Variants in LDHA observed in about 807,000 individuals in gnomAD.
The protein encoded by LDHA is lactate dehydrogenase A.
Under a neutral mutation model 36.3 loss-of-function variants are expected in LDHA, and 10 were observed. The ratio of observed to expected loss-of-function variants is 0.28; its 90% CI spans 0.17 to 0.47. The LOEUF (loss-of-function observed/expected upper bound fraction) is 0.47, where lower values mean the gene tolerates loss of function less well. Among genes scored for constraint, LDHA ranks in the 20% least tolerant of loss-of-function variants. LDHA has a pLI of 0.99. For missense variants in LDHA, 267 were observed against 405.8 expected (o/e 0.66, Z 2.94); for synonymous variants, 110 against 136.7 (o/e 0.80, Z 1.36).
At chr11:18,407,077 G>A in intron 7 of LDHA, 40 bp from the exon 8 acceptor site, 1 of 1,483,512 alleles carries the variant, frequency 6.7e-7, no homozygotes, top group Non-Finnish European at 9.1e-7. Flanking sequence ...GGAATGCATA[G>A]ACAAAATGTG....
At chr11:18,403,372 T>A (rs1866568283) in intron 5 of LDHA, among the ~76,000 whole-genome samples, 1 of 152,124 alleles carries the variant, frequency 6.6e-6, no homozygotes, top group African/African-American at 2.4e-5. Context: ...ATTATCACAG[T>A]TGAAAAATGT....
In LDHA at chr11:18,402,904, C is replaced by T. The variant is rs4687; in HGVS notation, c.483C>T (p.Ser161=). 0.71 allele frequency: 1,139,453 copies of T among 1,607,204 alleles called. 407,706 individuals carry two copies. The highest frequency in any genetic ancestry group is 0.75 in the South Asian group (68,051 of 90,932). The change falls in exon 5 of 8, where the codon AGC becomes AGT. Residue 161 remains serine (S), a synonymous_variant. Coordinates refer to ENST00000422447, the MANE Select transcript of LDHA (RefSeq NM_005566.4). The stretch of plus-strand genomic sequence containing the variant: ...TTCCCAAAAACCGTGTTATTGGAAG[C>T]GGTTGCAATCTGGATTCAGCCCGAT... The part of the protein sequence containing the change: ...SGFPKNRVIG[S]GCNLDSARFR...
chr11:18,406,988 A>G, intron 7 of LDHA, 129 bp from the exon 8 acceptor site: 1 of 715,138 alleles, frequency 1.4e-6, no homozygotes, highest in Non-Finnish European at 2.3e-6. Flanking sequence ...CCTGGGCGAC[A>G]GAGCGAGACT....
In LDHA at chr11:18,407,379, C is replaced by CAGT; in HGVS notation, c.*100_*102dup. The CAGT allele has an allele frequency of 1.2e-6, 2 of 1,601,754 alleles. No homozygotes were observed. The highest frequency in any genetic ancestry group is 1.7e-6 in the Non-Finnish European group (2 of 1,174,090). ...CTTTTTATCTGATCTGTGATTAAAGCAGTAATATTTTAAGATGGACTGGGA... is the reference window on the plus strand; with the variant it reads ...CTTTTTATCTGATCTGTGATTAAAGCAGTAGTAATATTTTAAGATGGACTGGGA... On this transcript the variant is annotated 3_prime_UTR_variant, in exon 8 of 8. Coordinates refer to ENST00000422447, the MANE Select transcript of LDHA (RefSeq NM_005566.4).
intron 3 of LDHA, chr11:18,400,508 G>T: frequency 2.7e-6 from 1 of 375,520 alleles, no homozygotes; most frequent in Non-Finnish European, 5.1e-6. Flanking sequence ...TGGGCTGATA[G>T]GACACCAGTT....
chr11:18,401,111 A>G (rs1408330254), intron 4 of LDHA, 101 bp downstream of exon 4: 2 of 476,492 alleles, frequency 4.2e-6, no homozygotes, highest in Non-Finnish European at 6.3e-6. Flanking sequence ...ATATTTTAAA[A>G]AATACATTTT....
At chr11:18,399,630 A>G in intron 3 of LDHA, 82 bp downstream of exon 3, 4 of 1,053,888 alleles carry the variant, frequency 3.8e-6, no homozygotes, top group South Asian at 3.8e-5. Flanking sequence ...TGCTTAGGGT[A>G]GAGTGCAGTT....
At chr11:18,401,443 C>T (rs1380079620) in intron 4 of LDHA, among the ~76,000 whole-genome samples, 3 of 141,776 alleles carry the variant, frequency 2.1e-5, no homozygotes, top group Admixed American at 1.4e-4. Flanking sequence ...CCGTGCCCAG[C>T]CACGCATATT....
At chr11:18,396,628 TCA>T (rs1866314838) in intron 1 of LDHA, 189 bp from the exon 2 acceptor site, 1 of 1,417,730 alleles carries the variant, frequency 7.1e-7, no homozygotes, top group Non-Finnish European at 9.2e-7. Flanking sequence ...CCTTCACTCT[TCA>T]CAGACCCTGT....
In LDHA at chr11:18,396,807, TTCC is replaced by T; in HGVS notation, c.-24-7_-24-5del. On this transcript the variant is annotated splice_polypyrimidine_tract_variant and intron_variant, in intron 1 of 7. Coordinates refer to ENST00000422447, the MANE Select transcript of LDHA (RefSeq NM_005566.4). The stretch of plus-strand genomic sequence containing the variant: ...GAAGCTGTAGTGACACTAAATGTTT[TTCC>T]TCCTATAGATTCCTTTTGGTTCCAA... 1 of 1,585,886 alleles carries T rather than the reference TTCC, an allele frequency of 6.3e-7. No individual in the cohort carries two copies.
intron 4 of LDHA, among the ~76,000 whole-genome samples, chr11:18,401,957 T>TC (rs1565037611): frequency 1.0e-3 from 23 of 22,230 alleles, no homozygotes; most frequent in Middle Eastern, 0.029. Context: ...GTTATTCTCT[T>TC]TTTTTTTTTT....
rs1471011418 is a variant in LDHA at position 18,394,620 on chromosome 11, CCCGA to C, written c.-39_-36del. 2.2e-6 allele frequency: 1 copy of C among 454,028 alleles called. No homozygotes were observed. Among genetic ancestry groups the C allele is most frequent in the Non-Finnish European group, 4.4e-6 (1 of 226,804 alleles). 28.1% of individuals were successfully genotyped at this position (454,028 alleles called of 1,614,324 possible). A position where few individuals can be genotyped will look rare whatever the true frequency, so the allele number is the denominator to read the frequency against. On this transcript the variant is annotated 5_prime_UTR_variant, in exon 1 of 8. Transcript: ENST00000422447. ...CATTGCCACGCGCCCCCGACGACCGCCCGACGTGCATTCCCGGTACGGTAGGGCC... is the reference window on the plus strand; with the variant it reads ...CATTGCCACGCGCCCCCGACGACCGCCGTGCATTCCCGGTACGGTAGGGCC...
chr11:18,401,162 A>T (rs148555833), intron 4 of LDHA, 152 bp downstream of exon 4: 26 of 309,698 alleles, frequency 8.4e-5, no homozygotes, highest in Middle Eastern at 1.4e-3. Context: ...ATATATATAT[A>T]TTTTGAGGCG....
At chr11:18,402,372 C>T (rs947398201) in intron 4 of LDHA, among the ~76,000 whole-genome samples, 1 of 152,094 alleles carries the variant, frequency 6.6e-6, no homozygotes, top group South Asian at 2.1e-4. Context: ...ATGATCATGG[C>T]AGCTTTGACC....
Position 18,407,222 on chromosome 11 carries a change from G to C in LDHA, c.940G>C (p.Ala314Pro), listed in dbSNP as rs1866719405. The change falls in exon 8 of 8, where the codon GCC (alanine) becomes CCC (proline). Residue 314 changes from alanine to proline, a missense_variant. By Grantham distance (27) the Ala-to-Pro change is conservative (BLOSUM62 -1). Transcript: ENST00000422447. ...VKVTLTSEEE[A>P]RLKKSADTLW... ...GGTGACTCTGACTTCTGAGGAAGAG[G>C]CCCGTTTGAAGAAGAGTGCAGATAC... 2 of 1,613,738 alleles carry C rather than the reference G, an allele frequency of 1.2e-6. No individual in the cohort carries two copies. The highest frequency in any genetic ancestry group is 1.3e-5 in the African/African-American group (1 of 74,874).
At chr11:18,396,233 G>A in intron 1 of LDHA, 1 of 304,718 alleles carries the variant, frequency 3.3e-6, no homozygotes, top group Non-Finnish European at 6.0e-6. Flanking sequence ...ATGCGCACGC[G>A]CACAAGTTCC....
At chr11:18,401,767 G>A (rs975732774) in intron 4 of LDHA, among the ~76,000 whole-genome samples, 7 of 151,574 alleles carry the variant, frequency 4.6e-5, no homozygotes, top group African/African-American at 1.2e-4. Context: ...GTGAGCCACC[G>A]TGCCTGGTGA....
intron 1 of LDHA, chr11:18,396,157 A>C (rs561877719): frequency 5.4e-6 from 1 of 184,382 alleles, no homozygotes; most frequent in Non-Finnish European, 1.1e-5. Flanking sequence ...TTCTGGCCCG[A>C]TGCCCGCTTC....
At position 18,401,077 on chromosome 11, in the gene LDHA, T is replaced by A. The variant is rs1866473060; in HGVS notation, c.418+67T>A. 1.8e-5 allele frequency: 10 copies of A among 553,828 alleles called. No individual in the cohort carries two copies. In the South Asian group the frequency reaches 4.8e-4, roughly 27 times the overall value. The allele number at this position is 553,828 out of a possible 1,614,324, so 34.3% of individuals were successfully genotyped here. On this transcript the variant is annotated intron_variant, in intron 4 of 7. Coordinates refer to ENST00000422447, the MANE Select transcript of LDHA (RefSeq NM_005566.4). ...AACTGATAGTATATGATATATATAT[T>A]ATATATATTTTAAATATTTTGAAAT...
Sources: gnomAD v4.1 joint callset for allele counts (sites outside exome capture counted in the v4.1 genomes callset) on GRCh38, gnomAD v4.1.1 for gene constraint, MANE v1.5 for transcripts, NCBI Gene and HGNC (gene_info 2026-07-23, HGNC 2026-07-21) for gene names.